The following NEMP2 variants were observed in gnomAD, a reference collection of about 807,000 sequenced individuals.
The protein encoded by NEMP2 is UPF0571 transmembrane protein.
Under a neutral mutation model 54.2 loss-of-function variants are expected in NEMP2, and 53 were observed. The ratio of observed to expected loss-of-function variants is 0.98; its 90% CI spans 0.78 to 1.23. The LOEUF is 1.23. Among genes scored for constraint, NEMP2 ranks in the 50% most tolerant of loss-of-function variants. The pLI, the probability that NEMP2 is intolerant of heterozygous loss-of-function variation, is 0.00. For synonymous variants in NEMP2, 197 were observed against 190.3 expected (o/e 1.04, Z -0.29); for missense variants, 455 against 511.3 (o/e 0.89, Z 1.06).
chr2:190,463,020 G>A, the NEMP2 span, among the ~76,000 whole-genome samples: 1 of 152,148 alleles, frequency 6.6e-6, no homozygotes, highest in Non-Finnish European at 1.5e-5. This position sits in a 1 kb window ranked among gnomAD's most constrained non-coding sequence, Gnocchi z 4.4. Context: ...GTCCTGGAGT[G>A]GGACACAGGA....
chr2:190,456,749 C>A, the NEMP2 span, among the ~76,000 whole-genome samples: 1 of 152,198 alleles, frequency 6.6e-6, no homozygotes, highest in African/African-American at 2.4e-5. The surrounding 1 kb of genome is among the most constrained non-coding windows in gnomAD (Gnocchi z 5.4). Context: ...GAGGTGGAAA[C>A]CTTGGCTCAC....
intron 1 of NEMP2, chr2:190,534,064 G>C: frequency 1.0e-6 from 1 of 985,764 alleles, no homozygotes; most frequent in Non-Finnish European, 1.2e-6. Flanking sequence ...ACAACAGTCA[G>C]GGGCAGAAGA....
At chr2:190,635,144 G>T in the NEMP2 span, among the ~76,000 whole-genome samples, 6 of 152,176 alleles carry the variant, frequency 3.9e-5, no homozygotes, top group Non-Finnish European at 7.4e-5. The surrounding 1 kb of genome is among the most constrained non-coding windows in gnomAD (Gnocchi z 4.1). Flanking sequence ...AGCAACAATG[G>T]TTGTTGTTTC....
chr2:190,579,636 T>C, the NEMP2 span, among the ~76,000 whole-genome samples: 1 of 152,266 alleles, frequency 6.6e-6, no homozygotes, highest in African/African-American at 2.4e-5. Flanking sequence ...AGCACCTTTA[T>C]TGGGCAACCA....
At chr2:190,437,322 G>A in the NEMP2 span, 3 of 1,614,116 alleles carry the variant, frequency 1.9e-6, no homozygotes, top group South Asian at 1.1e-5. This position sits in a 1 kb window ranked among gnomAD's most constrained non-coding sequence, Gnocchi z 5.9. Context: ...GCCACTCGCA[G>A]GCCTTCAACT....
chr2:190,532,813 C>A, intron 1 of NEMP2, among the ~76,000 whole-genome samples: 1 of 152,218 alleles, frequency 6.6e-6, no homozygotes, highest in East Asian at 1.9e-4. Flanking sequence ...GGGCTGCCAA[C>A]AGTGTCACTG....
rs1690739608 is a variant in NEMP2, at chr2:190,521,187, CT to C, written c.214-2005del. Among the ~76,000 whole-genome samples, 1 of 152,178 alleles carries C rather than the reference CT, an allele frequency of 6.6e-6. No individual in the cohort carries two copies. The highest frequency in any genetic ancestry group is 2.4e-5 in the African/African-American group (1 of 41,440). On this transcript the variant is annotated intron_variant, in intron 2 of 8. Transcript: ENST00000409150. The surrounding 1 kb of genome is among the most constrained non-coding windows in gnomAD (Gnocchi z 6.2). The stretch of plus-strand genomic sequence containing the variant: ...CCCTCTGCAACAAAGGATTTCACAA[CT>C]TCTTCCTCAATACTCAACACCTTCT...
At chr2:190,492,807 G>A in the NEMP2 span, among the ~76,000 whole-genome samples, 3 of 151,930 alleles carry the variant, frequency 2.0e-5, no homozygotes, top group Non-Finnish European at 4.4e-5. This position sits in a 1 kb window ranked among gnomAD's most constrained non-coding sequence, Gnocchi z 5.2. Flanking sequence ...AGCACTCCAA[G>A]AACTACCAAG....
Position 190,529,716 on chromosome 2 carries a change from G to A in NEMP2, c.98-4338C>T, listed in dbSNP as rs1447098201. Among the ~76,000 whole-genome samples the A allele has an allele frequency of 6.6e-6, 1 of 152,190 alleles. No individual in the cohort carries two copies. The highest frequency in any genetic ancestry group is 1.5e-5 in the Non-Finnish European group (1 of 68,030). On this transcript the variant is annotated intron_variant, in intron 1 of 8. Coordinates refer to ENST00000409150, the MANE Select transcript of NEMP2 (RefSeq NM_001142645.2). The surrounding 1 kb of genome is among the most constrained non-coding windows in gnomAD (Gnocchi z 4.7). ...GGACTAGTGGGTTATTTAGGCATGT[G>A]TGGCCTACCAATGGAAGTCCAGCCA...
At chr2:190,596,179 C>T in the NEMP2 span, among the ~76,000 whole-genome samples, 1 of 152,116 alleles carries the variant, frequency 6.6e-6, no homozygotes, top group Non-Finnish European at 1.5e-5. This position sits in a 1 kb window ranked among gnomAD's most constrained non-coding sequence, Gnocchi z 5.1. Flanking sequence ...TGTTATCACT[C>T]ATAAGTGGGA....
the NEMP2 span, chr2:190,608,366 A>T: frequency 1.3e-5 from 2 of 152,234 alleles, no homozygotes; most frequent in Non-Finnish European, 2.9e-5. The surrounding 1 kb of genome is among the most constrained non-coding windows in gnomAD (Gnocchi z 4.9). Context: ...AAAATTGCTG[A>T]AATTAACAAA....
the NEMP2 span, among the ~76,000 whole-genome samples, chr2:190,586,631 T>C: frequency 6.6e-6 from 1 of 152,198 alleles, no homozygotes; most frequent in Admixed American, 6.5e-5. This position sits in a 1 kb window ranked among gnomAD's most constrained non-coding sequence, Gnocchi z 4.5. Flanking sequence ...CCTTCTACTA[T>C]AGTAGAGATT....
chr2:190,433,619 C>T, the NEMP2 span, among the ~76,000 whole-genome samples: 1 of 152,124 alleles, frequency 6.6e-6, no homozygotes, highest in East Asian at 1.9e-4. This position sits in a 1 kb window ranked among gnomAD's most constrained non-coding sequence, Gnocchi z 4.5. Flanking sequence ...AATTTCACTT[C>T]AGTTAAATTT....
At chr2:190,469,798 A>G in the NEMP2 span, 2 of 1,606,570 alleles carry the variant, frequency 1.2e-6, no homozygotes, top group Non-Finnish European at 1.7e-6. This position sits in a 1 kb window ranked among gnomAD's most constrained non-coding sequence, Gnocchi z 5.3. Context: ...GGCTCGCTAT[A>G]TTTATATTTC....
rs868647641 is a variant in NEMP2, at chr2:190,510,460, TC to T, written c.1030del (p.Asp344MetfsTer81). 2 of 1,551,722 alleles carry T rather than the reference TC, an allele frequency of 1.3e-6. No homozygotes were observed. The highest frequency in any genetic ancestry group is 2.7e-5 in the African/African-American group (2 of 73,040). On this transcript the variant is annotated frameshift_variant, in exon 8 of 9. Transcript: ENST00000409150. LOFTEE classifies it high-confidence loss of function. The surrounding 1 kb of genome is among the most constrained non-coding windows in gnomAD (Gnocchi z 5.7). ...CTCCAGAGCACTGTTCGTTTCAGCA[TC>T]AGCTTGCTCCCTGTACTCGTCTTCC... is the stretch of plus-strand genomic sequence containing the variant. ...LTEDEYREQA[D>X]AETNSALEEL...
chr2:190,488,836 CT>C, the NEMP2 span: 289 of 1,513,738 alleles, frequency 1.9e-4, no homozygotes, highest in African/African-American at 2.3e-4. This position sits in a 1 kb window ranked among gnomAD's most constrained non-coding sequence, Gnocchi z 6.4. Flanking sequence ...TGGCTTTCTC[CT>C]TTTTTTTCTT....
the NEMP2 span, among the ~76,000 whole-genome samples, chr2:190,552,210 C>T: frequency 6.6e-6 from 1 of 152,106 alleles, no homozygotes; most frequent in Non-Finnish European, 1.5e-5. Context: ...TTCATTGCTT[C>T]CCCCCTTGCT....
At chr2:190,563,888 G>T in the NEMP2 span, among the ~76,000 whole-genome samples, 1 of 152,234 alleles carries the variant, frequency 6.6e-6, no homozygotes, top group East Asian at 1.9e-4. This position sits in a 1 kb window ranked among gnomAD's most constrained non-coding sequence, Gnocchi z 4.3. Context: ...TCCCTACTCT[G>T]TGGGGCTGGC....
the NEMP2 span, among the ~76,000 whole-genome samples, chr2:190,486,925 A>G: frequency 3.3e-5 from 5 of 152,212 alleles, no homozygotes; most frequent in Non-Finnish European, 5.9e-5. Flanking sequence ...TTACTACATA[A>G]TAAGATAATG....
Sources: allele counts gnomAD v4.1 joint callset (sites outside exome capture counted in the v4.1 genomes callset), GRCh38; gene constraint gnomAD v4.1.1; non-coding constraint Gnocchi (gnomAD v3.1); transcripts MANE v1.5; gene names NCBI Gene and HGNC (gene_info 2026-07-23, HGNC 2026-07-21).